FTO: variants seen among roughly 807,000 people sequenced by gnomAD.
FTO encodes the protein FTO alpha-ketoglutarate dependent dioxygenase, also known as alpha-ketoglutarate-dependent dioxygenase FTO.
In FTO, 47 loss-of-function variants were observed where a neutral mutation model predicts 63.9. The observed-to-expected ratio is 0.74, with a 90% CI of 0.58 to 0.94. FTO has a LOEUF of 0.94. Among genes scored for constraint, FTO ranks in the 40% least tolerant of loss-of-function variants. The probability of loss-of-function intolerance (pLI) is 0.00; values close to 1 mark genes in which losing one functional copy is unlikely to be tolerated. For synonymous variants in FTO, 207 were observed against 224.4 expected, an observed-to-expected ratio of 0.92 and a Z score of 0.69; for missense variants, 562 against 618.1, an observed-to-expected ratio of 0.91 and a Z score of 0.96.
At chr16:53,746,182 G>A (rs2076647642) in intron 1 of FTO, among the ~76,000 whole-genome samples, 1 of 152,130 alleles carries the variant, frequency 6.6e-6, no homozygotes, top group Non-Finnish European at 1.5e-5. Context: ...ATTAGTTCTA[G>A]CCAATGACGT....
chr16:54,020,561 G>GA (rs1353777283), intron 8 of FTO, among the ~76,000 whole-genome samples: 1 of 150,690 alleles, frequency 6.6e-6, no homozygotes, highest in Non-Finnish European at 1.5e-5. Context: ...TAGATGATGG[G>GA]AAAAATGACT....
chr16:53,884,433 C>T (rs898259591), intron 6 of FTO, among the ~76,000 whole-genome samples: 36 of 152,160 alleles, frequency 2.4e-4, no homozygotes, highest in Non-Finnish European at 1.5e-5. Context: ...TAGGGTATCT[C>T]TTTGTAGGCA....
chr16:53,746,786 G>GA (rs1358293243), intron 1 of FTO, among the ~76,000 whole-genome samples: 3 of 152,014 alleles, frequency 2.0e-5, no homozygotes, highest in African/African-American at 7.2e-5. Context: ...ATCTAAAGTA[G>GA]AAAAAACCTC....
chr16:53,995,325 A>G lies in FTO; in HGVS notation c.1364+61216A>G, dbSNP rs575301125. Among the ~76,000 whole-genome samples the G allele has an allele frequency of 2.0e-5, 3 of 152,376 alleles. 1 individual carries two copies. In the South Asian group the frequency reaches 6.2e-4, roughly 32 times the overall value. On this transcript the variant is annotated intron_variant, in intron 8 of 8. Coordinates refer to ENST00000471389, the MANE Select transcript of FTO (RefSeq NM_001080432.3). ...AATGAATGTTTTCTTCCCTTAAAAA[A>G]TACCAACAGATGCCTAACATAAGCA...
At chr16:53,743,283 T>A (rs1379127280) in intron 1 of FTO, among the ~76,000 whole-genome samples, 3 of 152,156 alleles carry the variant, frequency 2.0e-5, no homozygotes, top group Non-Finnish European at 4.4e-5. Flanking sequence ...GTGGCTCCTT[T>A]TGGTTCTTTC....
intron 7 of FTO, among the ~76,000 whole-genome samples, chr16:53,914,475 T>G (rs1006986907): frequency 2.0e-5 from 3 of 152,156 alleles, no homozygotes; most frequent in African/African-American, 7.2e-5. Flanking sequence ...TTTTAAAGAA[T>G]TGTACTCTCT....
At chr16:53,919,521 A>T (rs1231549176) in intron 7 of FTO, among the ~76,000 whole-genome samples, 1 of 152,220 alleles carries the variant, frequency 6.6e-6, no homozygotes, top group African/African-American at 2.4e-5. Flanking sequence ...AGATACTTTC[A>T]CATGCATGTT....
chr16:54,021,689 C>A (rs1222823407), intron 8 of FTO, among the ~76,000 whole-genome samples: 1 of 152,066 alleles, frequency 6.6e-6, no homozygotes, highest in African/African-American at 2.4e-5. Context: ...AGGATTTCCC[C>A]ATGTTGGTCA....
chr16:53,705,319 G>A (rs1029750531), intron 1 of FTO, among the ~76,000 whole-genome samples: 1 of 152,122 alleles, frequency 6.6e-6, no homozygotes, highest in Non-Finnish European at 1.5e-5. Context: ...TTGCCTACAA[G>A]ATCCTGCATG....
At chr16:54,062,273 C>T (rs2085595702) in intron 8 of FTO, among the ~76,000 whole-genome samples, 1 of 152,196 alleles carries the variant, frequency 6.6e-6, no homozygotes, top group South Asian at 2.1e-4. Flanking sequence ...AAAATGACAA[C>T]ATTCAAATCT....
intron 1 of FTO, among the ~76,000 whole-genome samples, chr16:53,760,231 TG>T (rs1567962776): frequency 2.9e-4 from 9 of 30,768 alleles, no homozygotes; most frequent in African/African-American, 7.5e-4. Context: ...TGTGTGTGTG[TG>T]TGTGTGTGTG....
At chr16:53,942,042 C>G (rs758298285) in intron 8 of FTO, among the ~76,000 whole-genome samples, 11 of 152,140 alleles carry the variant, frequency 7.2e-5, no homozygotes, top group Non-Finnish European at 1.2e-4. Flanking sequence ...ACTTTGTCTG[C>G]TTTATTAATT....
intron 7 of FTO, among the ~76,000 whole-genome samples, chr16:53,918,964 T>C (rs984783635): frequency 3.9e-5 from 6 of 152,212 alleles, no homozygotes; most frequent in African/African-American, 1.4e-4. Flanking sequence ...ATGTGATTAA[T>C]ACTTGCTCTA....
At chr16:54,093,514 G>T (rs752879659) in intron 8 of FTO, among the ~76,000 whole-genome samples, 1 of 152,154 alleles carries the variant, frequency 6.6e-6, no homozygotes, top group African/African-American at 2.4e-5. Context: ...CTGACTCACC[G>T]CCGAGCTCTG....
At position 53,815,520 on chromosome 16, in the gene FTO, G is replaced by A. The variant is rs116673394; in HGVS notation, c.123+5303G>A. On this transcript the variant is annotated intron_variant, in intron 2 of 8. Coordinates refer to ENST00000471389, the MANE Select transcript of FTO (RefSeq NM_001080432.3). ...TAGCGTTCCTCATGCCCTCCCCAGTGCCATCAGAACTGACTTGTACCTCCT... is the reference window on the plus strand; with the variant it reads ...TAGCGTTCCTCATGCCCTCCCCAGTACCATCAGAACTGACTTGTACCTCCT... Among the ~76,000 whole-genome samples the A allele has an allele frequency of 1.4e-3, 206 of 151,894 alleles. 1 individual carries two copies. The highest frequency in any genetic ancestry group is 4.7e-3 in the African/African-American group (193 of 41,340).
At chr16:54,107,765 A>C (rs1303766641) in intron 8 of FTO, among the ~76,000 whole-genome samples, 1 of 152,216 alleles carries the variant, frequency 6.6e-6, no homozygotes, top group Non-Finnish European at 1.5e-5. Context: ...CATGACTCAG[A>C]TACTCAAACA....
At chr16:53,831,298 AT>A (rs1384964533) in intron 3 of FTO, among the ~76,000 whole-genome samples, 1 of 152,122 alleles carries the variant, frequency 6.6e-6, no homozygotes, top group Non-Finnish European at 1.5e-5. Flanking sequence ...TTATTGTATC[AT>A]GCTATGCCTT....
chr16:53,873,716 A>T, intron 4 of FTO, 70 bp from the exon 5 acceptor site: 1 of 1,164,856 alleles, frequency 8.6e-7, no homozygotes, highest in Non-Finnish European at 1.3e-6. Context: ...TTTGTGTTTT[A>T]GTTAAATAAT....
At chr16:54,073,212 C>T (rs1448900164) in intron 8 of FTO, among the ~76,000 whole-genome samples, 1 of 152,064 alleles carries the variant, frequency 6.6e-6, no homozygotes, top group African/African-American at 2.4e-5. Flanking sequence ...AGAAAATGGC[C>T]TTCTCAAGGG....
Sources: gnomAD v4.1 joint callset for allele counts (sites outside exome capture counted in the v4.1 genomes callset) on GRCh38, gnomAD v4.1.1 for gene constraint, MANE v1.5 for transcripts, NCBI Gene and HGNC (gene_info 2026-07-23, HGNC 2026-07-21) for gene names.